Variants in UNC45B observed in about 807,000 individuals in gnomAD.
UNC45B encodes unc-45 myosin chaperone B, also known as protein unc-45 homolog B.
In UNC45B, 78 loss-of-function variants were observed where a neutral mutation model predicts 98.7. The ratio of observed to expected loss-of-function variants is 0.79; its 90% confidence interval spans 0.66 to 0.95. UNC45B has a LOEUF of 0.95. Ranked by LOEUF, UNC45B falls within the 40% of genes least tolerant of loss-of-function variation. The pLI is 0.00. For missense variants in UNC45B, 1,225 were observed against 1,184.9 expected (o/e 1.03, Z -0.50); for synonymous variants, 462 against 480.4 (o/e 0.96, Z 0.50).
At chr17:35,173,353 T>A (rs895634997) in intron 13 of UNC45B, among the ~76,000 whole-genome samples, 5 of 152,074 alleles carry the variant, frequency 3.3e-5, no homozygotes, top group African/African-American at 1.2e-4. Context: ...CTCGAACTCC[T>A]GGGCTCAAGT....
chr17:35,163,732 T>A (rs189530303), intron 8 of UNC45B, among the ~76,000 whole-genome samples: 31 of 152,166 alleles, frequency 2.0e-4, no homozygotes, highest in African/African-American at 7.2e-4. Flanking sequence ...ACTGGTAGAG[T>A]CCTCTGAGAT....
In UNC45B at chr17:35,186,946, A is replaced by C. The variant is rs2092307748; in HGVS notation, c.*387A>C. 1 of 217,994 alleles carries C rather than the reference A, an allele frequency of 4.6e-6. No individual in the cohort carries two copies. Among genetic ancestry groups the C allele is most frequent in the African/African-American group, 2.3e-5 (1 of 43,358 alleles). The allele number at this position is 217,994 out of a possible 1,614,324, so 13.5% of individuals were successfully genotyped here. A position where few individuals can be genotyped will look rare whatever the true frequency, so the allele number is the denominator to read the frequency against. Reference sequence around the variant, plus strand: ...AGGAACTAACGGGTGTGTGCATATAAAGGTTAATGCTGTTGTATTTGGATG... The same window carrying C: ...AGGAACTAACGGGTGTGTGCATATACAGGTTAATGCTGTTGTATTTGGATG... On this transcript the variant is annotated 3_prime_UTR_variant, in exon 20 of 20. Transcript: ENST00000394570.
chr17:35,157,932 T>C (rs1400986518), intron 7 of UNC45B, among the ~76,000 whole-genome samples: 1 of 152,228 alleles, frequency 6.6e-6, no homozygotes, highest in Non-Finnish European at 1.5e-5. Context: ...CAGGCTGGAC[T>C]GTAGTAATGC....
At chr17:35,152,256 A>C (rs2092025150) in intron 4 of UNC45B, among the ~76,000 whole-genome samples, 1 of 152,100 alleles carries the variant, frequency 6.6e-6, no homozygotes, top group African/African-American at 2.4e-5. Context: ...AAAAAAAAAA[A>C]TTAAAAATTA....
At chr17:35,162,897 T>C (rs891790948) in intron 8 of UNC45B, among the ~76,000 whole-genome samples, 1 of 152,146 alleles carries the variant, frequency 6.6e-6, no homozygotes, top group African/African-American at 2.4e-5. Flanking sequence ...CTACACAAGG[T>C]CTGACCAGCT....
intron 8 of UNC45B, among the ~76,000 whole-genome samples, chr17:35,163,688 G>A (rs1007523761): frequency 6.6e-6 from 1 of 152,130 alleles, no homozygotes; most frequent in African/African-American, 2.4e-5. Context: ...ATAGTATTTG[G>A]AGAAGACTAT....
chr17:35,150,850 T>C (rs926723204), intron 4 of UNC45B, among the ~76,000 whole-genome samples: 7 of 151,516 alleles, frequency 4.6e-5, no homozygotes, highest in African/African-American at 1.7e-4. Context: ...TTTCTATGTA[T>C]TATAAAATAC....
At chr17:35,161,844 G>A (rs368583854) in intron 8 of UNC45B, among the ~76,000 whole-genome samples, 5 of 152,224 alleles carry the variant, frequency 3.3e-5, no homozygotes, top group African/African-American at 1.2e-4. Context: ...GAGAGGGGCT[G>A]GAGGTGGGAT....
Position 35,148,317 on chromosome 17 carries a change from G to T in UNC45B, c.54G>T (p.Gln18His). The T allele has an allele frequency of 6.2e-7, 1 of 1,614,160 alleles. No individual in the cohort carries two copies. Among genetic ancestry groups the T allele is most frequent in the Non-Finnish European group, 8.5e-7 (1 of 1,180,002 alleles). Residue 18 changes from glutamine (Q) to histidine (H), a missense_variant, in exon 2 of 20, where the codon CAG (glutamine) becomes CAT (histidine). Gln to His is a conservative substitution (Grantham distance 24). Coordinates refer to ENST00000394570, the MANE Select transcript of UNC45B (RefSeq NM_001267052.2). ...QLKEEGNRHF[Q>H]LQDYKAATNS... ...AGGAGGAAGGAAACCGGCATTTCCA[G>T]CTCCAGGACTACAAGGCCGCCACAA...
intron 17 of UNC45B, among the ~76,000 whole-genome samples, chr17:35,177,883 CTTTTT>C (rs2092247320): frequency 7.0e-6 from 1 of 143,670 alleles, no homozygotes; most frequent in Non-Finnish European, 1.5e-5. Flanking sequence ...CTTTTCTTTT[CTTTTT>C]TTCTTTCTTT....
intron 17 of UNC45B, among the ~76,000 whole-genome samples, chr17:35,179,970 C>T (rs2092262227): frequency 6.6e-6 from 1 of 151,878 alleles, no homozygotes; most frequent in Non-Finnish European, 1.5e-5. Context: ...AGGAGTATGT[C>T]AGCATGTACT....
At chr17:35,157,034 C>G (rs1326104282) in intron 7 of UNC45B, among the ~76,000 whole-genome samples, 1 of 152,128 alleles carries the variant, frequency 6.6e-6, no homozygotes, top group Non-Finnish European at 1.5e-5. Context: ...AGATATTGCT[C>G]TGGCTGGGAG....
At chr17:35,152,626 C>G (rs1261423924) in intron 4 of UNC45B, among the ~76,000 whole-genome samples, 2 of 152,208 alleles carry the variant, frequency 1.3e-5, no homozygotes, top group African/African-American at 4.8e-5. Context: ...TTTACGCCTT[C>G]CCAGACTATT....
At chr17:35,166,776 G>C (rs1255841079) in intron 9 of UNC45B, among the ~76,000 whole-genome samples, 1 of 152,174 alleles carries the variant, frequency 6.6e-6, no homozygotes, top group Non-Finnish European at 1.5e-5. Flanking sequence ...CTCTTCCCCA[G>C]GGGAACTTGC....
rs867174215 is a variant in UNC45B at position 35,163,942 on chromosome 17, T to A, written c.980-53T>A. 5.0e-5 allele frequency: 76 copies of A among 1,528,704 alleles called. No individual in the cohort carries two copies. In the Middle Eastern group the frequency reaches 4.8e-3, roughly 97 times the overall value. 94.7% of individuals were successfully genotyped at this position (1,528,704 alleles called of 1,614,324 possible). A position where few individuals can be genotyped will look rare whatever the true frequency, so the allele number is the denominator to read the frequency against. The stretch of plus-strand genomic sequence containing the variant: ...AACAAGTCACTGAGTGAGGGGTGTG[T>A]GTGAGGATGGAGCCCAGCAGGAATC... On this transcript the variant is annotated intron_variant, in intron 8 of 19. Transcript: ENST00000394570.
rs2092286277 is a variant in UNC45B, at chr17:35,183,526, G to A, written c.2473G>A (p.Ala825Thr). The A allele has an allele frequency of 6.2e-7, 1 of 1,603,352 alleles. No homozygotes were observed. Among genetic ancestry groups the A allele is most frequent in the African/African-American group, 1.3e-5 (1 of 74,568 alleles). The change falls in exon 19 of 20, where the codon GCT becomes ACT. Residue 825 changes from alanine to threonine, a missense_variant. By Grantham distance (58) the Ala-to-Thr change is moderately conservative (BLOSUM62 0). Transcript: ENST00000394570. Reference sequence around the variant, plus strand: ...TAAGGTGCAGAATGCGGCTGCAGGGGCTCTGGCCATGCTGACAGCAGCACA... The same window carrying A: ...TAAGGTGCAGAATGCGGCTGCAGGGACTCTGGCCATGCTGACAGCAGCACA... ...DDKVQNAAAG[A>T]LAMLTAAHKK...
chr17:35,179,810 T>C (rs2092261190), intron 17 of UNC45B, among the ~76,000 whole-genome samples: 2 of 151,626 alleles, frequency 1.3e-5, no homozygotes, highest in Admixed American at 6.6e-5. Context: ...AAATGACGAG[T>C]TGATGGGCGC....
At chr17:35,158,702 GTCTGAAGACGAACTGTCACA>G (rs2092080759) in intron 7 of UNC45B, among the ~76,000 whole-genome samples, 1 of 152,206 alleles carries the variant, frequency 6.6e-6, no homozygotes, top group South Asian at 2.1e-4. Context: ...ACATGCCTCT[GTCTGAAGACGAACTGTCACA>G]TCTGCTTACA....
chr17:35,162,828 T>G (rs2092111023), intron 8 of UNC45B, among the ~76,000 whole-genome samples: 1 of 152,062 alleles, frequency 6.6e-6, no homozygotes, highest in Admixed American at 6.6e-5. Context: ...CCTCCTAACA[T>G]CTAGAGTTTC....
Sources: allele counts gnomAD v4.1 joint callset (sites outside exome capture counted in the v4.1 genomes callset), GRCh38; gene constraint gnomAD v4.1.1; transcripts MANE v1.5; gene names NCBI Gene and HGNC (gene_info 2026-07-23, HGNC 2026-07-21).